AHDC1: variants seen among roughly 807,000 people sequenced by gnomAD.
The protein encoded by AHDC1 is AT-hook DNA binding motif containing 1.
In AHDC1, 7 loss-of-function variants were observed where a neutral mutation model predicts 87.9. The observed-to-expected ratio is 0.08, with a 90% confidence interval of 0.05 to 0.15. AHDC1 has a LOEUF of 0.15. AHDC1 is among the 10% of genes least tolerant of loss of function. The probability of loss-of-function intolerance (pLI) is 1.00; values close to 1 mark genes in which losing one functional copy is unlikely to be tolerated. For synonymous variants in AHDC1, 1,051 were observed against 1,006.8 expected (o/e 1.04, Z -0.83); for missense variants, 1,841 against 2,253.2 (o/e 0.82, Z 3.70).
chr1:27,575,361 C>T (rs921093105), intron 3 of AHDC1, among the ~76,000 whole-genome samples: 20 of 152,222 alleles, frequency 1.3e-4, no homozygotes, highest in Admixed American at 2.0e-4. Flanking sequence ...GCCGCGCAAG[C>T]CGGGAGGGGC....
At chr1:27,578,163 G>T (rs771758172) in intron 3 of AHDC1, among the ~76,000 whole-genome samples, 16 of 152,336 alleles carry the variant, frequency 1.1e-4, no homozygotes, top group Non-Finnish European at 2.2e-4. Flanking sequence ...GAACTGGAAT[G>T]TGCTGTAAGT....
At chr1:27,571,910 G>A (rs2088533114) in intron 3 of AHDC1, among the ~76,000 whole-genome samples, 1 of 152,178 alleles carries the variant, frequency 6.6e-6, no homozygotes, top group Non-Finnish European at 1.5e-5. Context: ...CGCGTGAATG[G>A]AAATGGGTCA....
intron 3 of AHDC1, among the ~76,000 whole-genome samples, chr1:27,572,905 C>T (rs994271690): frequency 4.6e-5 from 7 of 152,372 alleles, no homozygotes; most frequent in Admixed American, 4.6e-4. Context: ...TCCCTGGAGG[C>T]CGACTGGTCA....
At chr1:27,540,225 C>T (rs566005692) in intron 8 of AHDC1, among the ~76,000 whole-genome samples, 1 of 152,226 alleles carries the variant, frequency 6.6e-6, no homozygotes, top group African/African-American at 2.4e-5. Context: ...GAGAGGTCCA[C>T]AGGCCCAGTG....
Position 27,549,853 on chromosome 1 carries a change from C to G in AHDC1, c.2263G>C (p.Val755Leu), listed in dbSNP as rs775751260. ...TCCCCAAAGCCTGGGCCACTGGGCACCTGCTCTGGGAACAGAGTCCCATTC... is the reference window on the plus strand; with the variant it reads ...TCCCCAAAGCCTGGGCCACTGGGCAGCTGCTCTGGGAACAGAGTCCCATTC... ...RKNGTLFPEQ[V>L]PSGPGFGEAG... Residue 755 changes from valine (V) to leucine (L), a missense_variant, in exon 8 of 9, where the codon GTG becomes CTG. Physicochemically the swap from Val to Leu is conservative, Grantham distance 32. Transcript: ENST00000673934. The G allele has an allele frequency of 1.2e-6, 2 of 1,613,248 alleles. No homozygotes were observed. The highest frequency in any genetic ancestry group is 2.2e-5 in the South Asian group (2 of 91,038).
At chr1:27,602,384 G>A (rs2148510202) in intron 3 of AHDC1, among the ~76,000 whole-genome samples, 1 of 152,296 alleles carries the variant, frequency 6.6e-6, no homozygotes, top group East Asian at 1.9e-4. Flanking sequence ...CGCCTGGCAG[G>A]AGGCTGGGGG....
Position 27,563,472 on chromosome 1 carries a change from CCTGCAGACTGTGGGATGGG to C in AHDC1, c.-628-4608_-628-4590del, listed in dbSNP as rs2020190172. Among the ~76,000 whole-genome samples, 1 of 152,224 alleles carries C rather than the reference CCTGCAGACTGTGGGATGGG, an allele frequency of 6.6e-6. No individual in the cohort carries two copies. Among genetic ancestry groups the C allele is most frequent in the Non-Finnish European group, 1.5e-5 (1 of 68,030 alleles). On this transcript the variant is annotated intron_variant, in intron 3 of 8. Transcript: ENST00000673934. The surrounding 1 kb of genome is among the most constrained non-coding windows in gnomAD (Gnocchi z 6.1). ...ACCTCGCCCCTGCCTGGGAATCCTC[CCTGCAGACTGTGGGATGGG>C]TACACAACATGTCACCTCCCCGGCT...
intron 3 of AHDC1, among the ~76,000 whole-genome samples, chr1:27,581,753 C>T (rs1299057547): frequency 6.6e-6 from 1 of 152,234 alleles, no homozygotes; most frequent in Non-Finnish European, 1.5e-5. Context: ...CCTTTAACAG[C>T]TCCCTACTGC....
rs143138183 is a variant in AHDC1 at position 27,560,096 on chromosome 1, CTGTGTG to C, written c.-628-1219_-628-1214del. ...GCTCAGTTGTGGCTGCTGTGGTCAGCTGTGTGTGTGTATGTGTGATGCCAGCTTAAG... is the reference window on the plus strand; with the variant it reads ...GCTCAGTTGTGGCTGCTGTGGTCAGCTGTGTATGTGTGATGCCAGCTTAAG... On this transcript the variant is annotated intron_variant, in intron 3 of 8. Transcript: ENST00000673934. The surrounding 1 kb of genome is among the most constrained non-coding windows in gnomAD (Gnocchi z 4.1). Among the ~76,000 whole-genome samples, 1 of 152,054 alleles carries C rather than the reference CTGTGTG, an allele frequency of 6.6e-6. No individual in the cohort carries two copies. The highest frequency in any genetic ancestry group is 2.1e-4 in the South Asian group (1 of 4,822).
rs1186580471 is a variant in AHDC1 at position 27,593,283 on chromosome 1, C to A, written c.-629+10114G>T. On this transcript the variant is annotated intron_variant, in intron 3 of 8. Coordinates refer to ENST00000673934, the MANE Select transcript of AHDC1 (RefSeq NM_001371928.1). This position sits in a 1 kb window ranked among gnomAD's most constrained non-coding sequence, Gnocchi z 4.9. ...GATTACTTCTGCATGACTGCCCGCTCCACAGGGTTCCAGAGACCCTCCTGC... is the reference window on the plus strand; with the variant it reads ...GATTACTTCTGCATGACTGCCCGCTACACAGGGTTCCAGAGACCCTCCTGC... Among the ~76,000 whole-genome samples, 1 of 152,110 alleles carries A rather than the reference C, an allele frequency of 6.6e-6. No homozygotes were observed. Among genetic ancestry groups the A allele is most frequent in the African/African-American group, 2.4e-5 (1 of 41,420 alleles).
chr1:27,539,016 C>A (rs1431510151), intron 8 of AHDC1, among the ~76,000 whole-genome samples: 1 of 152,002 alleles, frequency 6.6e-6, no homozygotes, highest in Non-Finnish European at 1.5e-5. Context: ...GCTCAGCCCA[C>A]AACTGGTATG....
chr1:27,577,966 C>G (rs1557694876), intron 3 of AHDC1, among the ~76,000 whole-genome samples: 3 of 152,220 alleles, frequency 2.0e-5, no homozygotes, highest in Admixed American at 2.0e-4. Context: ...CAGATGTTCT[C>G]CCAGGCAGTC....
rs2019610322 is a variant in AHDC1 at position 27,552,181 on chromosome 1, G to A, written c.-66C>T. 8.4e-6 allele frequency: 12 copies of A among 1,427,096 alleles called. No individual in the cohort carries two copies. Among genetic ancestry groups the A allele is most frequent in the Non-Finnish European group, 1.0e-5 (11 of 1,093,846 alleles). 88.4% of individuals were successfully genotyped at this position (1,427,096 alleles called of 1,614,324 possible). A position where few individuals can be genotyped will look rare whatever the true frequency, so the allele number is the denominator to read the frequency against. On this transcript the variant is annotated 5_prime_UTR_variant, in exon 8 of 9. Transcript: ENST00000673934. ...CTGACATGAGGGTGCGAGAAGCCGG[G>A]ACCAGGACCTGCCAGGCAGGAAGAG...
intron 3 of AHDC1, among the ~76,000 whole-genome samples, chr1:27,587,193 G>A (rs528379529): frequency 2.0e-5 from 3 of 152,312 alleles, no homozygotes; most frequent in African/African-American, 7.2e-5. Flanking sequence ...AACTGAGGCC[G>A]GGGAAGACAA....
rs952240561 is a variant in AHDC1 at position 27,549,810 on chromosome 1, G to A, written c.2306C>T (p.Ala769Val). The part of the protein sequence containing the change: ...PGFGEAGAEW[A>V]GDKGGGWAPH... Reference sequence around the variant, plus strand: ...GGCCCAGCCACCACCCTTATCCCCGGCCCACTCAGCACCTGCCTCCCCAAA... The same window carrying A: ...GGCCCAGCCACCACCCTTATCCCCGACCCACTCAGCACCTGCCTCCCCAAA... Residue 769 changes from alanine to valine, a missense_variant, in exon 8 of 9, where the codon GCC (alanine) becomes GTC (valine). Transcript: ENST00000673934. 9.3e-6 allele frequency: 15 copies of A among 1,613,422 alleles called. No homozygotes were observed. The highest frequency in any genetic ancestry group is 1.7e-5 in the Admixed American group (1 of 60,000).
intron 3 of AHDC1, among the ~76,000 whole-genome samples, chr1:27,584,646 G>A (rs766352917): frequency 1.7e-4 from 26 of 152,158 alleles, no homozygotes; most frequent in Non-Finnish European, 2.6e-4. Flanking sequence ...CAGCACTGTA[G>A]CGGGGTGAGC....
chr1:27,603,649 G>A (rs2089603897), intron 2 of AHDC1, 79 bp downstream of exon 2: 1 of 131,716 alleles, frequency 7.6e-6, no homozygotes, highest in African/African-American at 2.9e-5. Flanking sequence ...CGCTCTCTCT[G>A]CGCCCCCCTC....
chr1:27,540,955 C>A (rs1207078585), intron 8 of AHDC1, among the ~76,000 whole-genome samples: 1 of 141,772 alleles, frequency 7.1e-6, no homozygotes, highest in Non-Finnish European at 1.5e-5. Context: ...ATCAATTCAT[C>A]CAATAAATAT....
chr1:27,553,753 T>C (rs999753574), intron 5 of AHDC1, among the ~76,000 whole-genome samples: 2 of 152,220 alleles, frequency 1.3e-5, no homozygotes, highest in East Asian at 3.9e-4. Flanking sequence ...GCACATGGCC[T>C]ACAGCAGCGC....
Sources: gnomAD v4.1 joint callset for allele counts (sites outside exome capture counted in the v4.1 genomes callset) on GRCh38, gnomAD v4.1.1 for gene constraint, Gnocchi (gnomAD v3.1) non-coding constraint, MANE v1.5 for transcripts, NCBI Gene and HGNC (gene_info 2026-07-23, HGNC 2026-07-21) for gene names.